Variants in CCDC85A observed in about 807,000 individuals in gnomAD.
CCDC85A encodes the protein coiled-coil domain containing 85A.
CCDC85A carries 38 observed loss-of-function variants against 50.2 expected under a neutral mutation model. That is an observed-to-expected ratio of 0.76 (90% confidence interval 0.58 to 0.99). The LOEUF is 0.99. CCDC85A is among the 50% of genes least tolerant of loss of function. CCDC85A has a pLI of 0.00. For missense variants in CCDC85A, 820 were observed against 742.0 expected (o/e 1.11, Z -1.22); for synonymous variants, 366 against 301.4 (o/e 1.21, Z -2.22).
At chr2:56,291,682 T>A (rs1482575780) in intron 2 of CCDC85A, among the ~76,000 whole-genome samples, 2 of 151,624 alleles carry the variant, frequency 1.3e-5, no homozygotes, top group Non-Finnish European at 2.9e-5. Context: ...AAGGGACACA[T>A]AGCATGAAAG....
At chr2:56,268,039 A>G (rs1311282796) in intron 2 of CCDC85A, among the ~76,000 whole-genome samples, 1 of 152,240 alleles carries the variant, frequency 6.6e-6, no homozygotes, top group East Asian at 1.9e-4. Context: ...AGCTTTATAC[A>G]TAAATGAAAG....
chr2:56,334,012 C>T (rs970487078), intron 2 of CCDC85A, among the ~76,000 whole-genome samples: 1 of 152,154 alleles, frequency 6.6e-6, no homozygotes, highest in Non-Finnish European at 1.5e-5. Flanking sequence ...CTAAAACCCT[C>T]TTCTCCAAGA....
chr2:56,334,053 A>G (rs1383182079), intron 2 of CCDC85A, among the ~76,000 whole-genome samples: 1 of 152,300 alleles, frequency 6.6e-6, no homozygotes, highest in African/African-American at 2.4e-5. Flanking sequence ...TCACATGCAG[A>G]TCTTAGTTCT....
intron 2 of CCDC85A, among the ~76,000 whole-genome samples, chr2:56,236,806 C>G (rs17047656): frequency 0.17 from 25,389 of 151,972 alleles, 2,319 homozygotes; most frequent in East Asian, 0.28. Flanking sequence ...GCACAAATTT[C>G]TCAGGTCTCT....
chr2:56,212,853 A>T (rs6710311), intron 2 of CCDC85A, among the ~76,000 whole-genome samples: 58,385 of 151,738 alleles, frequency 0.38, 11,397 homozygotes, highest in African/African-American at 0.39. Flanking sequence ...TGGGGACAAC[A>T]TATGTCACTT....
chr2:56,247,359 T>G (rs567246581), intron 2 of CCDC85A, among the ~76,000 whole-genome samples: 1 of 152,328 alleles, frequency 6.6e-6, no homozygotes, highest in Non-Finnish European at 1.5e-5. Context: ...TCTTTTTTTT[T>G]ATTCCTGGGG....
chr2:56,372,530 C>A, intron 4 of CCDC85A, 52 bp downstream of exon 4: 3 of 1,451,068 alleles, frequency 2.1e-6, no homozygotes, highest in Non-Finnish European at 2.8e-6. Context: ...AACCAGATGA[C>A]TTCTGTTGCT....
In CCDC85A at chr2:56,369,375, G is replaced by A. The variant is rs1273880578; in HGVS notation, c.1318-2969G>A. On this transcript the variant is annotated intron_variant, in intron 3 of 5. Transcript: ENST00000407595. ...AGTTTGAAGAGAAAATGTTGCAGAT[G>A]TAGTTGTTCAAAACTTCATGTTGAT... 2.0e-5 allele frequency among the ~76,000 whole-genome samples: 3 copies of A among 152,102 alleles called. No individual in the cohort carries two copies. The East Asian group carries it at 5.8e-4, about 29-fold the overall frequency.
chr2:56,283,206 A>C (rs986807796), intron 2 of CCDC85A, among the ~76,000 whole-genome samples: 6 of 152,214 alleles, frequency 3.9e-5, no homozygotes, highest in African/African-American at 1.4e-4. Flanking sequence ...TACTCTACTC[A>C]TCTACTGATC....
intron 2 of CCDC85A, among the ~76,000 whole-genome samples, chr2:56,296,028 G>T (rs886827655): frequency 6.6e-6 from 1 of 152,008 alleles, no homozygotes; most frequent in African/African-American, 2.4e-5. Flanking sequence ...CCCTGAAAAT[G>T]AAAAAAGAAG....
At chr2:56,197,934 T>C (rs1474929085) in intron 2 of CCDC85A, among the ~76,000 whole-genome samples, 1 of 152,200 alleles carries the variant, frequency 6.6e-6, no homozygotes, top group Non-Finnish European at 1.5e-5. Flanking sequence ...CACATGAGTT[T>C]CTAACCTATT....
At chr2:56,248,108 A>G (rs1041919203) in intron 2 of CCDC85A, among the ~76,000 whole-genome samples, 1 of 152,166 alleles carries the variant, frequency 6.6e-6, no homozygotes, top group Non-Finnish European at 1.5e-5. Context: ...CCGGATGGCT[A>G]TTTCTAGATG....
At chr2:56,266,758 G>A (rs1279099305) in intron 2 of CCDC85A, among the ~76,000 whole-genome samples, 1 of 152,008 alleles carries the variant, frequency 6.6e-6, no homozygotes, top group Admixed American at 6.6e-5. Flanking sequence ...CTGTCCCTTT[G>A]CCTCCCTGTG....
chr2:56,303,903 A>C lies in CCDC85A; in HGVS notation c.1241-38976A>C, dbSNP rs527924110. ...GATTGGTTAGGAGCTAACGGTCTGC[A>C]TGAGCATTTTGGGAAACTGACACTA... On this transcript the variant is annotated intron_variant, in intron 2 of 5. Transcript: ENST00000407595. 6.1e-4 allele frequency among the ~76,000 whole-genome samples: 93 copies of C among 152,296 alleles called. 1 individual carries two copies. Among genetic ancestry groups the C allele is most frequent in the African/African-American group, 2.2e-3 (91 of 41,570 alleles).
chr2:56,222,333 A>G (rs768739530), intron 2 of CCDC85A, among the ~76,000 whole-genome samples: 2 of 152,172 alleles, frequency 1.3e-5, no homozygotes, highest in Non-Finnish European at 2.9e-5. Flanking sequence ...TATTTAAGGT[A>G]TATAGCATAA....
chr2:56,289,622 C>T (rs115844793), intron 2 of CCDC85A, among the ~76,000 whole-genome samples: 85 of 152,038 alleles, frequency 5.6e-4, no homozygotes, highest in African/African-American at 1.8e-3. Context: ...AGAGGTGAGG[C>T]GGAGATGTAG....
chr2:56,233,334 A>T (rs1668857129), intron 2 of CCDC85A, among the ~76,000 whole-genome samples: 1 of 152,182 alleles, frequency 6.6e-6, no homozygotes, highest in Non-Finnish European at 1.5e-5. Context: ...TTCCATAATG[A>T]TGAGACTACA....
chr2:56,303,800 G>A (rs529351307), intron 2 of CCDC85A, among the ~76,000 whole-genome samples: 1 of 152,042 alleles, frequency 6.6e-6, no homozygotes. Flanking sequence ...CAAGTGTAAG[G>A]GGTGCTTTAG....
chr2:56,328,044 G>T (rs575928158), intron 2 of CCDC85A, among the ~76,000 whole-genome samples: 1 of 152,126 alleles, frequency 6.6e-6, no homozygotes, highest in Non-Finnish European at 1.5e-5. Flanking sequence ...CTGGCTAAAA[G>T]TTACAAACTG....
Sources: allele counts gnomAD v4.1 joint callset (sites outside exome capture counted in the v4.1 genomes callset), GRCh38; gene constraint gnomAD v4.1.1; transcripts MANE v1.5; gene names NCBI Gene and HGNC (gene_info 2026-07-23, HGNC 2026-07-21).